The following PLXNA2 variants were observed in gnomAD, a reference collection of about 807,000 sequenced individuals.
PLXNA2 encodes the protein plexin-A2.
A neutral mutation model predicts 193.5 loss-of-function variants in PLXNA2; 91 were observed. The ratio of observed to expected loss-of-function variants is 0.47; its 90% confidence interval spans 0.40 to 0.56. The LOEUF is 0.56. Among genes scored for constraint, PLXNA2 ranks in the 20% least tolerant of loss-of-function variants. PLXNA2 has a pLI of 0.00. For synonymous variants in PLXNA2, 997 were observed against 1,027.3 expected, an observed-to-expected ratio of 0.97 and a Z score of 0.56; for missense variants, 1,995 against 2,503.2, an observed-to-expected ratio of 0.80 and a Z score of 4.33.
At chr1:208,036,428 T>G (rs1404284202) in intron 26 of PLXNA2, among the ~76,000 whole-genome samples, 2 of 152,234 alleles carry the variant, frequency 1.3e-5, no homozygotes, top group African/African-American at 4.8e-5. Context: ...TCAAGATGCC[T>G]GGCTGGGTCT....
At chr1:208,117,614 G>A (rs1037788210) in intron 4 of PLXNA2, among the ~76,000 whole-genome samples, 2 of 152,168 alleles carry the variant, frequency 1.3e-5, no homozygotes, top group Non-Finnish European at 2.9e-5. Context: ...CTGCAGCCAT[G>A]GAATGGTTCA....
At chr1:208,242,833 G>A (rs1672104492) in intron 1 of PLXNA2, among the ~76,000 whole-genome samples, 1 of 152,172 alleles carries the variant, frequency 6.6e-6, no homozygotes, top group African/African-American at 2.4e-5. Context: ...CTACCTGTGG[G>A]ATGGATAAAA....
At chr1:208,192,215 G>A (rs866292312) in intron 3 of PLXNA2, among the ~76,000 whole-genome samples, 4 of 152,262 alleles carry the variant, frequency 2.6e-5, no homozygotes, top group Admixed American at 6.5e-5. Flanking sequence ...CCTGGTCTGG[G>A]CCCACTGGCT....
intron 4 of PLXNA2, among the ~76,000 whole-genome samples, chr1:208,125,566 G>A (rs1667949231): frequency 6.6e-6 from 1 of 152,110 alleles, no homozygotes; most frequent in Middle Eastern, 3.2e-3. Context: ...TTTGCACTAG[G>A]AGCATACATT....
chr1:208,052,309 C>T lies in PLXNA2; in HGVS notation c.2993+18G>A, dbSNP rs1558166398. The T allele has an allele frequency of 6.2e-7, 1 of 1,610,968 alleles. No homozygotes were observed. Among genetic ancestry groups the T allele is most frequent in the South Asian group, 1.1e-5 (1 of 90,940 alleles). Reference sequence around the variant, plus strand: ...CCCAGATGTGCAGTCTTCTGGTGGCCCTTCAAGTTTATCTCACCCGTAGAA... The same window carrying T: ...CCCAGATGTGCAGTCTTCTGGTGGCTCTTCAAGTTTATCTCACCCGTAGAA... On this transcript the variant is annotated intron_variant, in intron 15 of 31. Coordinates refer to ENST00000367033, the MANE Select transcript of PLXNA2 (RefSeq NM_025179.4).
chr1:208,092,979 T>A, intron 8 of PLXNA2, 79 bp from the exon 9 acceptor site: 1 of 959,616 alleles, frequency 1.0e-6, no homozygotes, highest in Non-Finnish European at 1.6e-6. Context: ...AGAAGTCTGT[T>A]AACCTGTGTT....
intron 29 of PLXNA2, 43 bp from the exon 30 acceptor site, chr1:208,029,085 G>C (rs375223744): frequency 6.2e-7 from 1 of 1,608,148 alleles, no homozygotes; most frequent in South Asian, 1.1e-5. Flanking sequence ...CATGCGGGCC[G>C]TGCCCCTTCT....
Position 208,084,505 on chromosome 1 carries a change from G to A in PLXNA2, c.2173C>T (p.Arg725Ter), listed in dbSNP as rs776599661. 9 of 1,614,242 alleles carry A rather than the reference G, an allele frequency of 5.6e-6. No individual in the cohort carries two copies. The highest frequency in any genetic ancestry group is 1.1e-5 in the South Asian group (1 of 91,090). Residue 725 changes from arginine to a stop codon, truncating the protein, a stop_gained, in exon 10 of 32, where the codon CGA (arginine) becomes TGA (stop). Coordinates refer to ENST00000367033, the MANE Select transcript of PLXNA2 (RefSeq NM_025179.4). LOFTEE classifies it high-confidence loss of function. ...GEVKPITLKA[R>*]NLPQPQSGQR... is the part of the protein sequence containing the mutation. ...CCGGACTGCGGCTGGGGCAGATTTC[G>A]CGCCTTAAGGGTGATTGGCTTTACC... is the stretch of plus-strand genomic sequence containing the variant.
chr1:208,066,622 A>G (rs1456052499), intron 12 of PLXNA2, among the ~76,000 whole-genome samples: 2 of 152,116 alleles, frequency 1.3e-5, no homozygotes, highest in East Asian at 1.9e-4. Flanking sequence ...TGTACTCACT[A>G]TATTTTTTAT....
intron 4 of PLXNA2, among the ~76,000 whole-genome samples, chr1:208,121,989 C>A (rs1421500106): frequency 6.6e-6 from 1 of 152,182 alleles, no homozygotes; most frequent in East Asian, 1.9e-4. Flanking sequence ...CACTCATCTC[C>A]CCTCATACCC....
chr1:208,134,986 G>A (rs1668260465), intron 4 of PLXNA2, among the ~76,000 whole-genome samples: 1 of 152,078 alleles, frequency 6.6e-6, no homozygotes, highest in Non-Finnish European at 1.5e-5. Context: ...CTTATTTTTG[G>A]TTCTAGATCC....
intron 3 of PLXNA2, among the ~76,000 whole-genome samples, chr1:208,200,446 C>T (rs1472432987): frequency 6.6e-6 from 1 of 152,176 alleles, no homozygotes; most frequent in Non-Finnish European, 1.5e-5. Flanking sequence ...CATCTCCACC[C>T]TGAAGTATTT....
chr1:208,099,026 C>A, intron 5 of PLXNA2, 57 bp from the exon 6 acceptor site: 2 of 1,596,586 alleles, frequency 1.3e-6, no homozygotes, highest in Non-Finnish European at 1.7e-6. Flanking sequence ...CTGTTTGGCT[C>A]CATTGTCCCC....
chr1:208,119,350 C>T (rs1328550947), intron 4 of PLXNA2, among the ~76,000 whole-genome samples: 2 of 152,172 alleles, frequency 1.3e-5, no homozygotes, highest in Admixed American at 6.5e-5. Flanking sequence ...ACAGACCCAG[C>T]GAAAGGTGTC....
chr1:208,167,532 G>A (rs140213220), intron 3 of PLXNA2, among the ~76,000 whole-genome samples: 22 of 152,298 alleles, frequency 1.4e-4, no homozygotes, highest in African/African-American at 5.1e-4. Flanking sequence ...AGAGGTAGGA[G>A]GCAAGGAGCA....
chr1:208,033,034 CT>C (rs756299412), intron 28 of PLXNA2, among the ~76,000 whole-genome samples: 85 of 146,584 alleles, frequency 5.8e-4, no homozygotes, highest in South Asian at 1.7e-3. Context: ...CTCTCTCTCT[CT>C]TTTTTTTTTT....
In PLXNA2 at chr1:208,038,309, A is replaced by C. The variant is rs1571848421; in HGVS notation, c.4764+62T>G. On this transcript the variant is annotated intron_variant, in intron 26 of 31. Transcript: ENST00000367033. The surrounding 1 kb of genome is among the most constrained non-coding windows in gnomAD (Gnocchi z 4.1). Reference sequence around the variant, plus strand: ...TTTTAGACTTTTGAGGCCTTAGAGCAAGGCTTAGCGGGAAGGGAACATTCT... The same window carrying C: ...TTTTAGACTTTTGAGGCCTTAGAGCCAGGCTTAGCGGGAAGGGAACATTCT... The C allele has an allele frequency of 4.2e-6, 5 of 1,181,138 alleles. No individual in the cohort carries two copies. The East Asian group carries it at 9.4e-5, about 22-fold the overall frequency. 73.2% of individuals were successfully genotyped at this position (1,181,138 alleles called of 1,614,324 possible).
At chr1:208,132,672 A>T (rs1668195021) in intron 4 of PLXNA2, among the ~76,000 whole-genome samples, 1 of 152,182 alleles carries the variant, frequency 6.6e-6, no homozygotes, top group Admixed American at 6.5e-5. Flanking sequence ...AGCTTTTTTT[A>T]GGTGTGGCTG....
chr1:208,097,436 G>A (rs530489920), intron 6 of PLXNA2, among the ~76,000 whole-genome samples: 1 of 152,244 alleles, frequency 6.6e-6, no homozygotes, highest in South Asian at 2.1e-4. Context: ...TGTTCCATGT[G>A]GGCTCTCTGT....
Sources: gnomAD v4.1 joint callset for allele counts (sites outside exome capture counted in the v4.1 genomes callset) on GRCh38, gnomAD v4.1.1 for gene constraint, Gnocchi (gnomAD v3.1) non-coding constraint, MANE v1.5 for transcripts, NCBI Gene and HGNC (gene_info 2026-07-23, HGNC 2026-07-21) for gene names.